The following PEAK1 variants were observed in gnomAD, a reference collection of about 807,000 sequenced individuals.
PEAK1 encodes inactive tyrosine-protein kinase PEAK1.
PEAK1 carries 54 observed loss-of-function variants against 124.7 expected under a neutral mutation model. The ratio of observed to expected loss-of-function variants is 0.43; its 90% CI spans 0.35 to 0.54. PEAK1 has a LOEUF of 0.54. PEAK1 is among the 20% of genes least tolerant of loss of function. The pLI is 0.01. For missense variants in PEAK1, 2,046 were observed against 2,134.5 expected (o/e 0.96, Z 0.82); for synonymous variants, 719 against 760.0 (o/e 0.95, Z 0.89).
Position 77,179,372 on chromosome 15 carries a change from G to T in PEAK1, c.2555C>A (p.Thr852Asn), listed in dbSNP as rs758329355. ...VQKDPSIKPV[T>N]PSPSKLVTSP... ...AGTCACTAATTTGGAGGGAGAGGGG[G>T]TGACTGGCTTTATGGATGGGTCTTT... The change falls in exon 7 of 10, where the codon ACC becomes AAC. Residue 852 changes from threonine to asparagine, a missense_variant. Physicochemically the swap from Thr to Asn is moderately conservative, Grantham distance 65. Transcript: ENST00000682557. 4.1e-5 allele frequency: 66 copies of T among 1,613,956 alleles called. No homozygotes were observed. Among genetic ancestry groups the T allele is most frequent in the Non-Finnish European group, 4.9e-5 (58 of 1,180,026 alleles).
At chr15:77,370,381 C>T (rs972462026) in intron 1 of PEAK1, among the ~76,000 whole-genome samples, 1 of 152,032 alleles carries the variant, frequency 6.6e-6, no homozygotes, top group African/African-American at 2.4e-5. Context: ...TATAAAATTC[C>T]AAGAAGCAAA....
intron 1 of PEAK1, among the ~76,000 whole-genome samples, chr15:77,382,445 G>A (rs999971121): frequency 1.3e-5 from 2 of 152,128 alleles, no homozygotes; most frequent in Admixed American, 1.3e-4. Flanking sequence ...CGCCTTGTCT[G>A]TGTGGCTATG....
chr15:77,351,249 G>A (rs1265477069), intron 2 of PEAK1, among the ~76,000 whole-genome samples: 3 of 152,200 alleles, frequency 2.0e-5, no homozygotes, highest in Non-Finnish European at 4.4e-5. Flanking sequence ...TTGTTTGGTA[G>A]ATATACTAGA....
At chr15:77,295,526 C>G (rs1395246289) in intron 2 of PEAK1, among the ~76,000 whole-genome samples, 1 of 152,104 alleles carries the variant, frequency 6.6e-6, no homozygotes, top group Non-Finnish European at 1.5e-5. Context: ...CCTCATCATA[C>G]TCTGATTCAT....
intron 2 of PEAK1, among the ~76,000 whole-genome samples, chr15:77,314,273 T>TGAAAAAAGTAAAACCTGATAC (rs1413290419): frequency 1.3e-5 from 2 of 151,534 alleles, no homozygotes; most frequent in Admixed American, 6.6e-5. Context: ...CCTGTTCCAA[T>TGAAAAAAGTAAAACCTGATAC]GAAAAAAGTA....
At chr15:77,315,055 A>G (rs2064786526) in intron 2 of PEAK1, among the ~76,000 whole-genome samples, 1 of 152,172 alleles carries the variant, frequency 6.6e-6, no homozygotes, top group Non-Finnish European at 1.5e-5. Context: ...TAAAATAAAA[A>G]TCGAAATAAT....
intron 1 of PEAK1, among the ~76,000 whole-genome samples, chr15:77,405,099 G>A (rs1301097643): frequency 2.0e-5 from 3 of 151,506 alleles, no homozygotes; most frequent in Admixed American, 6.6e-5. Context: ...TCCGCCTCCC[G>A]GGTTCAAGCG....
intron 2 of PEAK1, among the ~76,000 whole-genome samples, chr15:77,314,527 G>A (rs982828249): frequency 6.6e-6 from 1 of 151,810 alleles, no homozygotes; most frequent in African/African-American, 2.4e-5. Flanking sequence ...ATACCACCAC[G>A]CCCAGCTAAT....
At chr15:77,118,241 C>G (rs1481384090) in intron 9 of PEAK1, among the ~76,000 whole-genome samples, 20 of 152,138 alleles carry the variant, frequency 1.3e-4, no homozygotes, top group Admixed American at 9.8e-4. Flanking sequence ...GGTTCATAAC[C>G]CTGAAAACAG....
chr15:77,149,871 C>G (rs2054453456), intron 8 of PEAK1, among the ~76,000 whole-genome samples: 1 of 152,060 alleles, frequency 6.6e-6, no homozygotes, highest in Admixed American at 6.5e-5. Context: ...AACTCAGCCT[C>G]CCAAGTAGCT....
intron 1 of PEAK1, chr15:77,381,245 T>C (rs1264018650): frequency 1.0e-6 from 1 of 982,318 alleles, no homozygotes; most frequent in East Asian, 1.1e-4. Flanking sequence ...ATGACATAAT[T>C]GATCCTTAAA....
chr15:77,230,032 T>C (rs1044858650), intron 6 of PEAK1, among the ~76,000 whole-genome samples: 5 of 152,142 alleles, frequency 3.3e-5, no homozygotes, highest in South Asian at 2.1e-4. Context: ...ATACAAAGAT[T>C]AGTAAAACAA....
intron 6 of PEAK1, among the ~76,000 whole-genome samples, chr15:77,222,527 A>G (rs1302742944): frequency 6.6e-6 from 1 of 152,096 alleles, no homozygotes; most frequent in African/African-American, 2.4e-5. Context: ...TGAGAGTCAA[A>G]TAAATTAAGT....
chr15:77,227,309 TA>T (rs748611843), intron 6 of PEAK1, among the ~76,000 whole-genome samples: 1 of 152,116 alleles, frequency 6.6e-6, no homozygotes, highest in Non-Finnish European at 1.5e-5. Context: ...ATGATATCCC[TA>T]AACAAATAAG....
chr15:77,139,995 C>T (rs2053643839), intron 8 of PEAK1, among the ~76,000 whole-genome samples: 1 of 151,896 alleles, frequency 6.6e-6, no homozygotes, highest in Non-Finnish European at 1.5e-5. Context: ...ATAGAATCAA[C>T]AATAACAACT....
chr15:77,223,849 G>A (rs2059502647), intron 6 of PEAK1, among the ~76,000 whole-genome samples: 1 of 145,868 alleles, frequency 6.9e-6, no homozygotes, highest in Non-Finnish European at 1.5e-5. Flanking sequence ...CAGATGATGA[G>A]TTAATTTTGA....
At chr15:77,290,127 C>G (rs2063141138) in intron 2 of PEAK1, among the ~76,000 whole-genome samples, 1 of 151,950 alleles carries the variant, frequency 6.6e-6, no homozygotes, top group Non-Finnish European at 1.5e-5. Context: ...TGCATCACAC[C>G]CAGCTAATTT....
chr15:77,197,623 G>C (rs867600556), intron 6 of PEAK1, among the ~76,000 whole-genome samples: 1 of 152,008 alleles, frequency 6.6e-6, no homozygotes, highest in African/African-American at 2.4e-5. Context: ...TAAGAGTCTT[G>C]TGTTCTGAGA....
intron 1 of PEAK1, among the ~76,000 whole-genome samples, chr15:77,415,152 A>ATGTGTACTGCTACACAT (rs1429370187): frequency 1.3e-5 from 2 of 152,228 alleles, no homozygotes; most frequent in African/African-American, 2.4e-5. Context: ...AACCACGAAA[A>ATGTGTACTGCTACACAT]TTGGTACTGC....
Sources: allele counts gnomAD v4.1 joint callset (sites outside exome capture counted in the v4.1 genomes callset), GRCh38; gene constraint gnomAD v4.1.1; transcripts MANE v1.5; gene names NCBI Gene and HGNC (gene_info 2026-07-23, HGNC 2026-07-21).